The following EFNA5 variants were observed in gnomAD, a reference collection of about 807,000 sequenced individuals.
EFNA5 encodes the protein ephrin A5.
EFNA5 carries 5 observed loss-of-function variants against 22.9 expected under a neutral mutation model. The ratio of observed to expected loss-of-function variants is 0.22; its 90% CI spans 0.11 to 0.46. EFNA5 has a LOEUF of 0.46. Ranked by LOEUF, EFNA5 falls within the 20% of genes least tolerant of loss-of-function variation. The pLI, the probability that EFNA5 is intolerant of heterozygous loss-of-function variation, is 0.99. For synonymous variants in EFNA5, 113 were observed against 112.2 expected, an observed-to-expected ratio of 1.01 and a Z score of -0.04; for missense variants, 237 against 293.3, an observed-to-expected ratio of 0.81 and a Z score of 1.40.
intron 1 of EFNA5, among the ~76,000 whole-genome samples, chr5:107,484,800 A>AC (rs539743773): frequency 1.4e-5 from 2 of 147,812 alleles, no homozygotes; most frequent in African/African-American, 5.0e-5. Context: ...ATGATTTTGT[A>AC]TTTTTTTTTT....
Position 107,606,538 on chromosome 5 carries a change from AACACACACACACACACACAC to A in EFNA5, c.125+63931_125+63950del, listed in dbSNP as rs58031827. ...ATCATAGACACACACTTGCACGTAC[AACACACACACACACACACAC>A]ACACACACACACACACACACACACA... is the stretch of plus-strand genomic sequence containing the variant. On this transcript the variant is annotated intron_variant, in intron 1 of 4. Transcript: ENST00000333274. Among the ~76,000 whole-genome samples, 9 of 144,190 alleles carry A rather than the reference AACACACACACACACACACAC, an allele frequency of 6.2e-5. No individual in the cohort carries two copies. The East Asian group carries it at 1.0e-3, about 16-fold the overall frequency. 94.6% of individuals were successfully genotyped at this position (144,190 alleles called of 152,430 possible).
intron 1 of EFNA5, among the ~76,000 whole-genome samples, chr5:107,458,023 C>G (rs2112452767): frequency 6.6e-6 from 1 of 152,240 alleles, no homozygotes; most frequent in African/African-American, 2.4e-5. Flanking sequence ...CCCCTTATCT[C>G]CTCTTCCAAA....
chr5:107,392,165 C>T (rs1034766621), intron 2 of EFNA5, among the ~76,000 whole-genome samples: 5 of 152,286 alleles, frequency 3.3e-5, no homozygotes, highest in Admixed American at 6.5e-5. Context: ...ATGCTTGTGG[C>T]GGGCAGCTTC....
In EFNA5 at chr5:107,557,219, G is replaced by A. The variant is rs372685026; in HGVS notation, c.125+113270C>T. Among the ~76,000 whole-genome samples the A allele has an allele frequency of 1.5e-4, 23 of 152,284 alleles. No individual in the cohort carries two copies. In the East Asian group the frequency reaches 4.1e-3, roughly 27 times the overall value. The stretch of plus-strand genomic sequence containing the variant: ...TATTTGCCTTGGTCCCCAGCACAAT[G>A]CCTGGTACGTGGGAGGTGCTTAGCA... On this transcript the variant is annotated intron_variant, in intron 1 of 4. Transcript: ENST00000333274.
chr5:107,459,596 A>G (rs1749783422), intron 1 of EFNA5, among the ~76,000 whole-genome samples: 1 of 152,170 alleles, frequency 6.6e-6, no homozygotes, highest in African/African-American at 2.4e-5. Context: ...ATTCCAGGAC[A>G]GTGCTGCAAA....
At chr5:107,555,958 C>T (rs2112472454) in intron 1 of EFNA5, among the ~76,000 whole-genome samples, 1 of 152,322 alleles carries the variant, frequency 6.6e-6, no homozygotes, top group Middle Eastern at 3.4e-3. Flanking sequence ...AAAGATCAGG[C>T]ATTCCATGCA....
intron 1 of EFNA5, among the ~76,000 whole-genome samples, chr5:107,596,338 TTTAGA>T (rs1237547516): frequency 2.0e-5 from 3 of 152,198 alleles, no homozygotes; most frequent in Non-Finnish European, 1.5e-5. Flanking sequence ...GCTTGACTAC[TTTAGA>T]TACCTCATAT....
intron 1 of EFNA5, among the ~76,000 whole-genome samples, chr5:107,643,929 T>G (rs1009298510): frequency 6.6e-6 from 1 of 151,992 alleles, no homozygotes; most frequent in Non-Finnish European, 1.5e-5. Flanking sequence ...AGAAAGTCTG[T>G]GTGTGAAAAT....
In EFNA5 at chr5:107,593,777, A is replaced by G. The variant is rs370690992; in HGVS notation, c.125+76712T>C. On this transcript the variant is annotated intron_variant, in intron 1 of 4. Coordinates refer to ENST00000333274, the MANE Select transcript of EFNA5 (RefSeq NM_001962.3). ...GCAGAATAAAAGACAGAATGTTGCTATAAAAGGATCCCACCACCACTATCA... is the reference window on the plus strand; with the variant it reads ...GCAGAATAAAAGACAGAATGTTGCTGTAAAAGGATCCCACCACCACTATCA... Among the ~76,000 whole-genome samples the G allele has an allele frequency of 5.9e-5, 9 of 152,340 alleles. No individual in the cohort carries two copies. The East Asian group carries it at 1.5e-3, about 26-fold the overall frequency.
intron 1 of EFNA5, among the ~76,000 whole-genome samples, chr5:107,499,094 T>C (rs1460473314): frequency 6.6e-6 from 1 of 152,036 alleles, no homozygotes; most frequent in African/African-American, 2.4e-5. Flanking sequence ...CATAACCAAA[T>C]AGCAAGCACA....
intron 1 of EFNA5, among the ~76,000 whole-genome samples, chr5:107,495,272 G>C (rs939119581): frequency 2.6e-5 from 4 of 152,080 alleles, no homozygotes; most frequent in Admixed American, 6.6e-5. Context: ...GGAGCCCACC[G>C]GGAGGAACGA....
At chr5:107,421,424 G>A (rs980211262) in intron 2 of EFNA5, among the ~76,000 whole-genome samples, 5 of 152,130 alleles carry the variant, frequency 3.3e-5, no homozygotes, top group Non-Finnish European at 5.9e-5. Context: ...TGAATCAAGT[G>A]TGCAATCGTA....
intron 2 of EFNA5, among the ~76,000 whole-genome samples, chr5:107,422,087 G>A (rs534716046): frequency 5.9e-5 from 9 of 152,234 alleles, no homozygotes; most frequent in African/African-American, 1.9e-4. Flanking sequence ...CACTGCGCCC[G>A]GCCCTCTTCT....
At chr5:107,439,056 G>A (rs1443429812) in intron 1 of EFNA5, among the ~76,000 whole-genome samples, 1 of 152,110 alleles carries the variant, frequency 6.6e-6, no homozygotes, top group Non-Finnish European at 1.5e-5. Context: ...GTTACAGACT[G>A]AATGTCTGTC....
chr5:107,660,297 T>TAA (rs1750924248), intron 1 of EFNA5, among the ~76,000 whole-genome samples: 1 of 104,548 alleles, frequency 9.6e-6, no homozygotes, highest in Admixed American at 9.8e-5. Context: ...TATATATATA[T>TAA]ATATATATAT....
At chr5:107,670,352 A>T in intron 1 of EFNA5, 137 bp downstream of exon 1, 1 of 1,195,628 alleles carries the variant, frequency 8.4e-7, no homozygotes, top group Admixed American at 3.9e-5. Flanking sequence ...CGACGCCTCA[A>T]GCCATCAGCG....
chr5:107,381,976 C>T (rs1244982755), intron 4 of EFNA5, among the ~76,000 whole-genome samples: 1 of 152,150 alleles, frequency 6.6e-6, no homozygotes, highest in Non-Finnish European at 1.5e-5. Context: ...ACTAGTTTGC[C>T]TGCAATTAGG....
intron 1 of EFNA5, among the ~76,000 whole-genome samples, chr5:107,558,426 T>C (rs946211607): frequency 8.5e-5 from 13 of 152,186 alleles, no homozygotes; most frequent in Admixed American, 6.5e-4. Context: ...AAATAGTCCC[T>C]AGTCTAGCAA....
At chr5:107,504,517 A>C (rs1747211730) in intron 1 of EFNA5, among the ~76,000 whole-genome samples, 1 of 152,188 alleles carries the variant, frequency 6.6e-6, no homozygotes, top group Admixed American at 6.6e-5. Context: ...ATTAATGTAC[A>C]AATAATATGC....
Sources: gnomAD v4.1 joint callset for allele counts (sites outside exome capture counted in the v4.1 genomes callset) on GRCh38, gnomAD v4.1.1 for gene constraint, MANE v1.5 for transcripts, NCBI Gene and HGNC (gene_info 2026-07-23, HGNC 2026-07-21) for gene names.